Variants in PDE9A observed in about 807,000 individuals in gnomAD.
PDE9A encodes high affinity cGMP-specific 3',5'-cyclic phosphodiesterase 9A.
Under a neutral mutation model 87.4 loss-of-function variants are expected in PDE9A, and 60 were observed. That is an observed-to-expected ratio of 0.69 (90% CI 0.56 to 0.85). The LOEUF is 0.85. Among genes scored for constraint, PDE9A ranks in the 40% least tolerant of loss-of-function variants. PDE9A has a pLI of 0.00. For missense variants in PDE9A, 665 were observed against 779.0 expected (o/e 0.85, Z 1.74); for synonymous variants, 272 against 279.4 (o/e 0.97, Z 0.27).
chr21:42,744,002 G>C, intron 8 of PDE9A, 142 bp downstream of exon 8: 1 of 615,676 alleles, frequency 1.6e-6, no homozygotes, highest in South Asian at 2.0e-5. Context: ...GTGCAGTCTG[G>C]AGGCAGCCAC....
chr21:42,719,137 A>G (rs1300379471), intron 4 of PDE9A, among the ~76,000 whole-genome samples: 1 of 151,772 alleles, frequency 6.6e-6, no homozygotes, highest in African/African-American at 2.4e-5. Flanking sequence ...AACATGCGTC[A>G]TTCAGGGATC....
rs866909178 is a variant in PDE9A at position 42,704,543 on chromosome 21, C to T, written c.262+5532C>T. 5.3e-5 allele frequency among the ~76,000 whole-genome samples: 8 copies of T among 152,110 alleles called. No individual in the cohort carries two copies. The highest frequency in any genetic ancestry group is 1.9e-4 in the African/African-American group (8 of 41,408). ...TGTCCTTAGGAATTCTTCACTCTCT[C>T]TATGGCAACAACCTTCCCTCTCCCG... is the stretch of plus-strand genomic sequence containing the variant. On this transcript the variant is annotated intron_variant, in intron 4 of 19. Coordinates refer to ENST00000291539, the MANE Select transcript of PDE9A (RefSeq NM_002606.3). The surrounding 1 kb of genome is among the most constrained non-coding windows in gnomAD (Gnocchi z 5.3).
chr21:42,746,271 T>C (rs1428709481), intron 8 of PDE9A, among the ~76,000 whole-genome samples: 1 of 152,196 alleles, frequency 6.6e-6, no homozygotes, highest in Non-Finnish European at 1.5e-5. Flanking sequence ...ATCGAAGTTG[T>C]AGTCATTTCC....
At position 42,765,477 on chromosome 21, in the gene PDE9A, G is replaced by C. The variant is rs1216555374; in HGVS notation, c.1339G>C (p.Glu447Gln). The C allele has an allele frequency of 6.2e-7, 1 of 1,605,198 alleles. No homozygotes were observed. Among genetic ancestry groups the C allele is most frequent in the Non-Finnish European group, 8.5e-7 (1 of 1,172,234 alleles). The change falls in exon 15 of 20, where the codon GAG (glutamate) becomes CAG (glutamine). Residue 447 changes from glutamate to glutamine, a missense_variant. Glu to Gln is a conservative substitution (Grantham distance 29). Coordinates refer to ENST00000291539, the MANE Select transcript of PDE9A (RefSeq NM_002606.3). ...AATGGAGAATTTTGACTACAGCAAC[G>C]AGGAGCACATGACCCTGGTGAGTGG... ...EKMENFDYSNEEHMTLLKMIL... is the reference protein window; with the variant it reads ...EKMENFDYSNQEHMTLLKMIL...
intron 1 of PDE9A, among the ~76,000 whole-genome samples, chr21:42,671,215 G>A (rs1056191147): frequency 3.3e-5 from 5 of 152,160 alleles, no homozygotes; most frequent in Admixed American, 3.3e-4. Flanking sequence ...AGGTGTTGAA[G>A]CTGTGGGTGT....
intron 4 of PDE9A, among the ~76,000 whole-genome samples, chr21:42,701,727 GTTT>G (rs1274111964): frequency 2.0e-5 from 3 of 152,126 alleles, no homozygotes; most frequent in Admixed American, 1.3e-4. Flanking sequence ...GACTGACAGT[GTTT>G]TTATTTCATC....
intron 4 of PDE9A, among the ~76,000 whole-genome samples, chr21:42,707,124 T>C (rs183880115): frequency 1.0e-3 from 158 of 152,352 alleles, no homozygotes; most frequent in African/African-American, 3.4e-3. Flanking sequence ...GTATGAAAGA[T>C]ACATGGTGAA....
At chr21:42,767,957 C>G (rs1245081216) in intron 15 of PDE9A, among the ~76,000 whole-genome samples, 1 of 152,226 alleles carries the variant, frequency 6.6e-6, no homozygotes, top group African/African-American at 2.4e-5. Context: ...GGGATATCAC[C>G]TGGGCTGGGG....
intron 4 of PDE9A, among the ~76,000 whole-genome samples, chr21:42,706,579 G>T (rs1602171453): frequency 6.6e-6 from 1 of 151,040 alleles, no homozygotes; most frequent in African/African-American, 2.4e-5. Flanking sequence ...TGGGGGTAGA[G>T]GTTGCAGCAA....
At position 42,723,739 on chromosome 21, in the gene PDE9A, T is replaced by C. The variant is rs963349734; in HGVS notation, c.263-8031T>C. Among the ~76,000 whole-genome samples the C allele has an allele frequency of 5.9e-5, 9 of 152,028 alleles. No homozygotes were observed. Among genetic ancestry groups the C allele is most frequent in the Non-Finnish European group, 1.2e-4 (8 of 68,014 alleles). On this transcript the variant is annotated intron_variant, in intron 4 of 19. Transcript: ENST00000291539. The surrounding 1 kb of genome is among the most constrained non-coding windows in gnomAD (Gnocchi z 4.3). ...TGGATCAGCGAGAGTTAATGCTGACTCCCCCTCCCTCGGGGGCTTATTTGC... is the reference window on the plus strand; with the variant it reads ...TGGATCAGCGAGAGTTAATGCTGACCCCCCCTCCCTCGGGGGCTTATTTGC...
At chr21:42,715,284 A>C (rs1349056856) in intron 4 of PDE9A, among the ~76,000 whole-genome samples, 3 of 143,694 alleles carry the variant, frequency 2.1e-5, no homozygotes, top group South Asian at 2.2e-4. Context: ...TGTTCCCCCC[A>C]CACACAGACA....
chr21:42,726,593 CATATATAT>C (rs898602288), intron 4 of PDE9A, among the ~76,000 whole-genome samples: 4 of 38,238 alleles, frequency 1.0e-4, no homozygotes, highest in African/African-American at 6.4e-4. Flanking sequence ...CACGCCTGGC[CATATATAT>C]ATATATATAT....
chr21:42,725,445 G>A (rs975014361), intron 4 of PDE9A, among the ~76,000 whole-genome samples: 1 of 151,974 alleles, frequency 6.6e-6, no homozygotes, highest in Non-Finnish European at 1.5e-5. Context: ...CTCCATGTTG[G>A]TCAGGCTGGT....
chr21:42,709,213 A>G (rs1247189868), intron 4 of PDE9A, among the ~76,000 whole-genome samples: 2 of 152,194 alleles, frequency 1.3e-5, no homozygotes, highest in African/African-American at 4.8e-5. Flanking sequence ...CAGAAAACCA[A>G]ACACCACATG....
At chr21:42,755,111 C>T (rs2054891619) in intron 10 of PDE9A, among the ~76,000 whole-genome samples, 1 of 152,264 alleles carries the variant, frequency 6.6e-6, no homozygotes, top group South Asian at 2.1e-4. Flanking sequence ...TCGGCCTCAG[C>T]TGTTTTCAAC....
At chr21:42,758,409 C>G (rs2055304489) in intron 10 of PDE9A, 1 of 152,288 alleles carries the variant, frequency 6.6e-6, no homozygotes, top group African/African-American at 2.4e-5. Flanking sequence ...CTGGGCACTG[C>G]AGTTAAGATG....
rs1444230334 is a variant in PDE9A at position 42,663,924 on chromosome 21, A to G, written c.69+10041A>G. On this transcript the variant is annotated intron_variant, in intron 1 of 19. Coordinates refer to ENST00000291539, the MANE Select transcript of PDE9A (RefSeq NM_002606.3). ...TGGCTGAGGTCATCAGCTGGATGCC[A>G]GGACACCCAGGATGCTCCAGGTCCT... 2.0e-5 allele frequency among the ~76,000 whole-genome samples: 3 copies of G among 152,206 alleles called. No individual in the cohort carries two copies. The East Asian group carries it at 5.8e-4, about 29-fold the overall frequency.
At chr21:42,771,779 G>A (rs1010538740) in intron 18 of PDE9A, among the ~76,000 whole-genome samples, 2 of 152,260 alleles carry the variant, frequency 1.3e-5, no homozygotes, top group African/African-American at 4.8e-5. Flanking sequence ...CGCCATGCCA[G>A]GCACATGGTA....
At chr21:42,701,818 A>G (rs1292203608) in intron 4 of PDE9A, among the ~76,000 whole-genome samples, 1 of 152,096 alleles carries the variant, frequency 6.6e-6, no homozygotes, top group African/African-American at 2.4e-5. Context: ...ATGTCTTCTC[A>G]TTGTGTTTTA....
Sources: gnomAD v4.1 joint callset for allele counts (sites outside exome capture counted in the v4.1 genomes callset) on GRCh38, gnomAD v4.1.1 for gene constraint, Gnocchi (gnomAD v3.1) non-coding constraint, MANE v1.5 for transcripts, NCBI Gene and HGNC (gene_info 2026-07-23, HGNC 2026-07-21) for gene names.